The following DSC2 variants were observed in gnomAD, a reference collection of about 807,000 sequenced individuals.
The protein encoded by DSC2 is desmocollin 2, also known as desmocollin-2.
DSC2 carries 51 observed loss-of-function variants against 87.6 expected under a neutral mutation model. The ratio of observed to expected loss-of-function variants is 0.58; its 90% CI spans 0.46 to 0.74. DSC2 has a LOEUF of 0.74. Ranked by LOEUF, DSC2 falls within the 30% of genes least tolerant of loss-of-function variation. DSC2 has a pLI of 0.00. For synonymous variants in DSC2, 383 were observed against 393.2 expected (o/e 0.97, Z 0.31); for missense variants, 1,066 against 1,089.5 (o/e 0.98, Z 0.30).
intron 5 of DSC2, 52 bp from the exon 6 acceptor site, chr18:31,087,865 G>A (rs1987458699): frequency 1.9e-6 from 3 of 1,589,136 alleles, no homozygotes. Flanking sequence ...TTTAAAATGA[G>A]GTATGCTTCA....
At chr18:31,098,640 A>G (rs148215204) in intron 1 of DSC2, among the ~76,000 whole-genome samples, 1,657 of 151,980 alleles carry the variant, frequency 0.011, 39 homozygotes, top group African/African-American at 0.038. Context: ...TTTTTTGTAG[A>G]GAAGGGGTTT....
intron 1 of DSC2, chr18:31,101,463 GA>G (rs1987946981): frequency 1.1e-5 from 2 of 181,204 alleles, no homozygotes; most frequent in African/African-American, 4.9e-5. Flanking sequence ...GCACGTTCCC[GA>G]GGCACAGGGA....
intron 15 of DSC2, 196 bp from the exon 16 acceptor site, chr18:31,068,408 A>G (rs188888877): frequency 6.5e-7 from 1 of 1,532,706 alleles, no homozygotes; most frequent in African/African-American, 1.4e-5. Flanking sequence ...TCAGTATAGC[A>G]TGTTTCTAAA....
At chr18:31,097,513 T>A (rs1380653995) in intron 1 of DSC2, among the ~76,000 whole-genome samples, 1 of 151,640 alleles carries the variant, frequency 6.6e-6, no homozygotes, top group Non-Finnish European at 1.5e-5. Context: ...AAAACCTCCA[T>A]AAAATTTTCT....
rs1986666205 is a variant in DSC2, at chr18:31,067,588, C to T, written c.*427G>A. 1 of 192,166 alleles carries T rather than the reference C, an allele frequency of 5.2e-6. No homozygotes were observed. 11.9% of individuals were successfully genotyped at this position (192,166 alleles called of 1,614,324 possible). ...TACACACTTTAGATGTTCAGGAAAA[C>T]AACAGTTTCCAAGCACCACATGAAC... On this transcript the variant is annotated 3_prime_UTR_variant, in exon 16 of 16. Transcript: ENST00000280904.
At chr18:31,077,243 G>A (rs1216902759) in intron 11 of DSC2, among the ~76,000 whole-genome samples, 1 of 152,168 alleles carries the variant, frequency 6.6e-6, no homozygotes, top group Middle Eastern at 3.2e-3. Context: ...TCTGGCATAT[G>A]TTTCTATTCA....
Position 31,059,451 on chromosome 18 carries a change from A to C in DSC2, c.*8564T>G, listed in dbSNP as rs769441124. On this transcript the variant is annotated 3_prime_UTR_variant, in exon 16 of 16. Transcript: ENST00000280904. ...GATACAGTATTTTCTTTTTGCTTTC[A>C]ATTTAATCATTTACTGTAAATATAA... is the stretch of plus-strand genomic sequence containing the variant. 6 of 152,168 alleles carry C rather than the reference A, an allele frequency of 3.9e-5. No homozygotes were observed. The highest frequency in any genetic ancestry group is 7.4e-5 in the Non-Finnish European group (5 of 68,008). 9.4% of individuals were successfully genotyped at this position (152,168 alleles called of 1,614,324 possible).
chr18:31,086,410 A>G (rs989387318), intron 7 of DSC2, among the ~76,000 whole-genome samples, 166 bp downstream of exon 7: 2 of 152,254 alleles, frequency 1.3e-5, no homozygotes, highest in Admixed American at 6.5e-5. Flanking sequence ...GCAGTTCAAA[A>G]CCAGCATACT....
intron 4 of DSC2, among the ~76,000 whole-genome samples, chr18:31,090,677 C>T (rs1232946698): frequency 6.6e-6 from 1 of 152,188 alleles, no homozygotes; most frequent in East Asian, 1.9e-4. Context: ...GCCTATGTGT[C>T]TTCCTCCTTC....
intron 4 of DSC2, among the ~76,000 whole-genome samples, chr18:31,090,742 GT>G (rs1218514227): frequency 6.6e-6 from 1 of 152,186 alleles, no homozygotes; most frequent in Admixed American, 6.5e-5. Context: ...AGAGTTTTGG[GT>G]TTTCTAGCTA....
intron 11 of DSC2, among the ~76,000 whole-genome samples, chr18:31,076,024 G>GACACA (rs1987005406): frequency 6.6e-6 from 1 of 152,130 alleles, no homozygotes; most frequent in African/African-American, 2.4e-5. Flanking sequence ...CACAAACCCA[G>GACACA]GAGTTCTGTC....
In DSC2 at chr18:31,084,651, C is replaced by T. The variant is rs141218467; in HGVS notation, c.943-1591G>A. On this transcript the variant is annotated intron_variant, in intron 7 of 15. Transcript: ENST00000280904. ...TTGTTTGATTTAGGAGCTGAACAAGCTGTTGAGTTTTTGCTTTTTTTTTTT... is the reference window on the plus strand; with the variant it reads ...TTGTTTGATTTAGGAGCTGAACAAGTTGTTGAGTTTTTGCTTTTTTTTTTT... 1.3e-4 allele frequency among the ~76,000 whole-genome samples: 20 copies of T among 149,970 alleles called. No homozygotes were observed. In the East Asian group the frequency reaches 3.7e-3, roughly 28 times the overall value.
In DSC2 at chr18:31,067,937, G is replaced by C; in HGVS notation, c.*78C>G. On this transcript the variant is annotated 3_prime_UTR_variant, in exon 16 of 16. Transcript: ENST00000280904. Reference sequence around the variant, plus strand: ...AAAACCCCCACAAATAGCATCTTCTGCTTTAAAAAATTCTTGGTTTGTAAT... The same window carrying C: ...AAAACCCCCACAAATAGCATCTTCTCCTTTAAAAAATTCTTGGTTTGTAAT... The C allele has an allele frequency of 2.2e-6, 3 of 1,368,658 alleles. No homozygotes were observed. Among genetic ancestry groups the C allele is most frequent in the Non-Finnish European group, 3.1e-6 (3 of 973,858 alleles). 84.8% of individuals were successfully genotyped at this position (1,368,658 alleles called of 1,614,324 possible).
intron 15 of DSC2, among the ~76,000 whole-genome samples, chr18:31,068,618 G>T (rs888477821): frequency 6.6e-6 from 1 of 152,138 alleles, no homozygotes; most frequent in African/African-American, 2.4e-5. Flanking sequence ...GGTACAAGTT[G>T]TCAGATGGGA....
At chr18:31,082,838 G>A (rs1179248818) in intron 8 of DSC2, 88 bp downstream of exon 8, 45 of 1,471,148 alleles carry the variant, frequency 3.1e-5, no homozygotes, top group South Asian at 2.5e-4. Context: ...GATTACAGGC[G>A]TGAGCCACTG....
intron 1 of DSC2, among the ~76,000 whole-genome samples, chr18:31,100,387 A>C (rs183029543): frequency 6.6e-6 from 1 of 152,334 alleles, no homozygotes; most frequent in Non-Finnish European, 1.5e-5. Context: ...CTTTTCCTTT[A>C]AAGAATGGCC....
At chr18:31,071,548 T>C (rs763923067) in intron 13 of DSC2, 57 bp downstream of exon 13, 4 of 1,525,868 alleles carry the variant, frequency 2.6e-6, no homozygotes, top group Non-Finnish European at 1.8e-6. Flanking sequence ...ACAAAAAGTG[T>C]CTTGAAAGTT....
intron 4 of DSC2, 48 bp downstream of exon 4, chr18:31,090,980 A>G: frequency 1.2e-6 from 2 of 1,612,900 alleles, no homozygotes; most frequent in Non-Finnish European, 1.7e-6. Flanking sequence ...CATAATGGTA[A>G]GAGATGGAAA....
At position 31,060,404 on chromosome 18, in the gene DSC2, T is replaced by A. The variant is rs1986478688; in HGVS notation, c.*7611A>T. ...CTGGGAGTTTTCCAATTGGCCCTGT[T>A]CCCAGGGGAACACTCCTTAAGCTGA... On this transcript the variant is annotated 3_prime_UTR_variant, in exon 16 of 16. Coordinates refer to ENST00000280904, the MANE Select transcript of DSC2 (RefSeq NM_024422.6). 1 of 152,054 alleles carries A rather than the reference T, an allele frequency of 6.6e-6. No individual in the cohort carries two copies. Among genetic ancestry groups the A allele is most frequent in the African/African-American group, 2.4e-5 (1 of 41,396 alleles). 9.4% of individuals were successfully genotyped at this position (152,054 alleles called of 1,614,324 possible).
Sources: allele counts gnomAD v4.1 joint callset (sites outside exome capture counted in the v4.1 genomes callset), GRCh38; gene constraint gnomAD v4.1.1; transcripts MANE v1.5; gene names NCBI Gene and HGNC (gene_info 2026-07-23, HGNC 2026-07-21).